The following ST7L variants were observed in gnomAD, a reference collection of about 807,000 sequenced individuals.
ST7L encodes suppressor of tumorigenicity 7 protein-like.
A neutral mutation model predicts 72.5 loss-of-function variants in ST7L; 57 were observed. That is an observed-to-expected ratio of 0.79 (90% CI 0.64 to 0.98). The LOEUF (loss-of-function observed/expected upper bound fraction) is 0.98, where lower values mean the gene tolerates loss of function less well. Among genes scored for constraint, ST7L ranks in the 50% least tolerant of loss-of-function variants. The probability of loss-of-function intolerance (pLI) is 0.00; values close to 1 mark genes in which losing one functional copy is unlikely to be tolerated. For synonymous variants in ST7L, 221 were observed against 240.9 expected, an observed-to-expected ratio of 0.92 and a Z score of 0.77; for missense variants, 576 against 672.2, an observed-to-expected ratio of 0.86 and a Z score of 1.58.
chr1:112,525,354 G>A lies in ST7L; in HGVS notation c.*659C>T, dbSNP rs1653238989. ...TACAGTGAATTGAGCTTTCTCAGAA[G>A]CTATTATTTTCTTTGGGTGATTGGC... On this transcript the variant is annotated 3_prime_UTR_variant, in exon 15 of 15. Transcript: ENST00000358039. 4 of 152,220 alleles carry A rather than the reference G, an allele frequency of 2.6e-5. No individual in the cohort carries two copies. Among genetic ancestry groups the A allele is most frequent in the Admixed American group, 2.6e-4 (4 of 15,278 alleles). The allele number at this position is 152,220 out of a possible 1,614,324, so 9.4% of individuals were successfully genotyped here.
intron 11 of ST7L, among the ~76,000 whole-genome samples, chr1:112,575,735 G>C (rs114197485): frequency 7.7e-4 from 117 of 152,342 alleles, no homozygotes; most frequent in African/African-American, 2.7e-3. Flanking sequence ...TTTTCAGACA[G>C]AGGCTGACTG....
At chr1:112,538,276 G>A (rs375677626) in intron 14 of ST7L, among the ~76,000 whole-genome samples, 2 of 152,178 alleles carry the variant, frequency 1.3e-5, no homozygotes, top group South Asian at 4.1e-4. Context: ...TAGTTTGCCA[G>A]TGCCTAGAAC....
intron 3 of ST7L, chr1:112,607,267 T>C (rs2101000958): frequency 6.6e-6 from 1 of 152,198 alleles, no homozygotes; most frequent in African/African-American, 2.4e-5. Context: ...AAGAGATGTT[T>C]AAGGGCCTAG....
chr1:112,564,218 A>T (rs1454927527), intron 11 of ST7L, among the ~76,000 whole-genome samples: 1 of 152,222 alleles, frequency 6.6e-6, no homozygotes, highest in East Asian at 1.9e-4. Context: ...CTTATACTGA[A>T]GGGAAAAGGA....
chr1:112,579,949 T>G (rs967444835), intron 9 of ST7L, among the ~76,000 whole-genome samples: 2 of 152,220 alleles, frequency 1.3e-5, no homozygotes, highest in African/African-American at 2.4e-5. Flanking sequence ...ATGTATCCAG[T>G]AAGTTACATA....
At chr1:112,581,398 CTTT>C (rs5777129) in intron 9 of ST7L, among the ~76,000 whole-genome samples, 114 of 135,200 alleles carry the variant, frequency 8.4e-4, no homozygotes, top group Non-Finnish European at 8.3e-4. Context: ...GGCTCCCCGT[CTTT>C]TTTTTTTTTT....
chr1:112,555,947 A>G lies in ST7L; in HGVS notation c.1317T>C (p.Ile439=), dbSNP rs1044466778. ...GCTGAAGATGAAAGAAAGCATAGGC[A>G]ATTGCTTCACTATCACCCCGTTTCA... ...HILKRGDSEA[I]AYAFFHLQHW... Residue 439 remains isoleucine (I), a synonymous_variant, in exon 12 of 15, where the codon ATT becomes ATC. Coordinates refer to ENST00000358039, the MANE Select transcript of ST7L (RefSeq NM_017744.5). 6.2e-7 allele frequency: 1 copy of G among 1,612,568 alleles called. No individual in the cohort carries two copies. The highest frequency in any genetic ancestry group is 1.3e-5 in the African/African-American group (1 of 74,928).
At chr1:112,619,154 G>A (rs759260448), upstream of ST7L, 37 of 1,593,670 alleles carry the variant, frequency 2.3e-5, no homozygotes, top group Non-Finnish European at 2.7e-5. Flanking sequence ...GAGGGGAGAA[G>A]GACAGGAAAC....
intron 12 of ST7L, 41 bp downstream of exon 12, chr1:112,555,823 GAATA>G (rs1362594002): frequency 1.4e-6 from 2 of 1,405,066 alleles, no homozygotes; most frequent in Non-Finnish European, 1.9e-6. Flanking sequence ...TGAATTCAAT[GAATA>G]GTTAGAGAGA....
intron 10 of ST7L, among the ~76,000 whole-genome samples, 200 bp downstream of exon 10, chr1:112,578,145 G>A (rs1337314981): frequency 6.6e-6 from 1 of 152,194 alleles, no homozygotes; most frequent in Admixed American, 6.5e-5. Flanking sequence ...ATGTGGTAGA[G>A]TTTGAATTTG....
chr1:112,585,747 A>G (rs1029479066), intron 6 of ST7L, among the ~76,000 whole-genome samples: 3 of 151,912 alleles, frequency 2.0e-5, no homozygotes, highest in African/African-American at 2.4e-5. Flanking sequence ...AAAAAAAAAA[A>G]TTAATATTTT....
chr1:112,545,106 T>C (rs1656835237), intron 13 of ST7L, among the ~76,000 whole-genome samples: 3 of 152,106 alleles, frequency 2.0e-5, no homozygotes, highest in Admixed American at 1.3e-4. Context: ...CAAAAAACAT[T>C]AAGTACTCCT....
intron 11 of ST7L, among the ~76,000 whole-genome samples, chr1:112,559,127 T>C (rs1659668811): frequency 6.6e-6 from 1 of 152,222 alleles, no homozygotes; most frequent in East Asian, 1.9e-4. Flanking sequence ...AACCCCAACA[T>C]GTTAAGTATT....
intron 3 of ST7L, among the ~76,000 whole-genome samples, chr1:112,602,768 T>G (rs1667623193): frequency 6.9e-6 from 1 of 145,174 alleles, no homozygotes. Flanking sequence ...CAGGCTGGAG[T>G]GCAATGGTGC....
chr1:112,580,923 G>A (rs1664009957), intron 9 of ST7L, among the ~76,000 whole-genome samples: 1 of 152,136 alleles, frequency 6.6e-6, no homozygotes, highest in African/African-American at 2.4e-5. Flanking sequence ...GTGAGACTCT[G>A]TCTCCAATAA....
chr1:112,616,517 C>T (rs1197712695), intron 2 of ST7L, among the ~76,000 whole-genome samples: 2 of 152,036 alleles, frequency 1.3e-5, no homozygotes, highest in African/African-American at 4.8e-5. Flanking sequence ...ACAAGGCAGG[C>T]GGATCACCTG....
intron 3 of ST7L, among the ~76,000 whole-genome samples, chr1:112,603,592 C>T (rs1667761896): frequency 1.3e-5 from 2 of 152,210 alleles, no homozygotes; most frequent in Admixed American, 6.5e-5. Context: ...AAGCTGTCTT[C>T]TATTAACTGA....
intron 4 of ST7L, among the ~76,000 whole-genome samples, chr1:112,599,073 A>AAAAAAAAAAAAATAT (rs1190968815): frequency 3.5e-5 from 2 of 56,990 alleles, no homozygotes; most frequent in Non-Finnish European, 3.1e-5. Flanking sequence ...AAAAAAAAAA[A>AAAAAAAAAAAAATAT]ATATATATAT....
chr1:112,591,076 G>A (rs746106901), intron 6 of ST7L, among the ~76,000 whole-genome samples: 9 of 151,782 alleles, frequency 5.9e-5, no homozygotes, highest in East Asian at 3.9e-4. Context: ...GACTACAGGC[G>A]CTCGCCCCCA....
Sources: allele counts gnomAD v4.1 joint callset (sites outside exome capture counted in the v4.1 genomes callset), GRCh38; gene constraint gnomAD v4.1.1; transcripts MANE v1.5; gene names NCBI Gene and HGNC (gene_info 2026-07-23, HGNC 2026-07-21).